Variants in CNTLN observed in about 807,000 individuals in gnomAD.
The protein encoded by CNTLN is centlein, also known as centlein, centrosomal protein.
A neutral mutation model predicts 180.0 loss-of-function variants in CNTLN; 212 were observed. The observed-to-expected ratio is 1.18, with a 90% CI of 1.05 to 1.32. The LOEUF (loss-of-function observed/expected upper bound fraction) is 1.32, where lower values mean the gene tolerates loss of function less well. CNTLN is among the 40% of genes most tolerant of loss of function. The probability of loss-of-function intolerance (pLI) is 0.00; values close to 1 mark genes in which losing one functional copy is unlikely to be tolerated. For missense variants in CNTLN, 2,095 were observed against 1,610.9 expected, an observed-to-expected ratio of 1.30 and a Z score of -5.14; for synonymous variants, 722 against 563.1, an observed-to-expected ratio of 1.28 and a Z score of -3.99.
chr9:17,527,503 T>TG, the CNTLN span, among the ~76,000 whole-genome samples: 1 of 152,194 alleles, frequency 6.6e-6, no homozygotes, highest in Non-Finnish European at 1.5e-5. Flanking sequence ...GCATGTATAC[T>TG]GGGACGGAAG....
intron 5 of CNTLN, among the ~76,000 whole-genome samples, chr9:17,246,689 G>T (rs1040232132): frequency 6.6e-6 from 1 of 152,136 alleles, no homozygotes; most frequent in Non-Finnish European, 1.5e-5. Context: ...AGGGCCTGGA[G>T]TCGGGAAAAG....
chr9:17,498,716 A>G (rs530055297), intron 25 of CNTLN, among the ~76,000 whole-genome samples: 3 of 152,258 alleles, frequency 2.0e-5, no homozygotes, highest in East Asian at 1.9e-4. Flanking sequence ...TCTTTATCCA[A>G]GAGAGAAAAA....
At chr9:17,296,557 A>G (rs1457358180) in intron 6 of CNTLN, among the ~76,000 whole-genome samples, 1 of 151,986 alleles carries the variant, frequency 6.6e-6, no homozygotes, top group East Asian at 1.9e-4. Flanking sequence ...CTTAACTGTG[A>G]TGGAATTTTC....
At chr9:17,139,991 G>T (rs1246477711) in intron 1 of CNTLN, among the ~76,000 whole-genome samples, 1 of 152,106 alleles carries the variant, frequency 6.6e-6, no homozygotes, top group East Asian at 1.9e-4. Context: ...TACCGCACCT[G>T]GCCAAGGTTT....
rs565725217 is a variant in CNTLN at position 17,298,068 on chromosome 9, G to A, written c.984-122G>A. The A allele has an allele frequency of 3.2e-5, 20 of 634,660 alleles. No individual in the cohort carries two copies. In the African/African-American group the frequency reaches 3.4e-4, roughly 11 times the overall value. 39.3% of individuals were successfully genotyped at this position (634,660 alleles called of 1,614,324 possible). A position where few individuals can be genotyped will look rare whatever the true frequency, so the allele number is the denominator to read the frequency against. On this transcript the variant is annotated intron_variant, in intron 6 of 25. Transcript: ENST00000380647. ...CATTATTTCTTTTATTAATAAGTTT[G>A]CCTGCAGTACAAATAACAGATGCAA...
At chr9:17,424,713 A>G (rs938270453) in intron 18 of CNTLN, among the ~76,000 whole-genome samples, 5 of 152,232 alleles carry the variant, frequency 3.3e-5, no homozygotes, top group Non-Finnish European at 5.9e-5. Flanking sequence ...TTAGGATTAC[A>G]TAAGGTCATC....
At position 17,298,289 on chromosome 9, in the gene CNTLN, C is replaced by T. The variant is rs1818092652; in HGVS notation, c.1083C>T (p.Asp361=). The T allele has an allele frequency of 1.2e-6, 2 of 1,613,468 alleles. No individual in the cohort carries two copies. Among genetic ancestry groups the T allele is most frequent in the Admixed American group, 1.7e-5 (1 of 59,884 alleles). ...LIQQLQVLNM[D]TQKVLRNQED... Reference sequence around the variant, plus strand: ...AGCAGCTTCAGGTTCTCAATATGGACACACAAAAAGTACTGAGAAATCAGG... The same window carrying T: ...AGCAGCTTCAGGTTCTCAATATGGATACACAAAAAGTACTGAGAAATCAGG... Residue 361 remains aspartate, a synonymous_variant, in exon 7 of 26, where the codon GAC becomes GAT. Coordinates refer to ENST00000380647, the MANE Select transcript of CNTLN (RefSeq NM_017738.4).
At chr9:17,326,250 T>C (rs1265483562) in intron 8 of CNTLN, among the ~76,000 whole-genome samples, 1 of 152,062 alleles carries the variant, frequency 6.6e-6, no homozygotes, top group Non-Finnish European at 1.5e-5. Flanking sequence ...CACTATACCA[T>C]TGTATTTCAA....
the CNTLN span, among the ~76,000 whole-genome samples, chr9:17,523,491 C>A: frequency 6.6e-6 from 1 of 152,130 alleles, no homozygotes; most frequent in South Asian, 2.1e-4. Flanking sequence ...CCTGCCTCAG[C>A]CTCCCAAAGT....
chr9:17,392,101 C>T (rs1345519558), intron 14 of CNTLN, among the ~76,000 whole-genome samples: 1 of 152,022 alleles, frequency 6.6e-6, no homozygotes, highest in Non-Finnish European at 1.5e-5. Context: ...GACCCCATCT[C>T]TACAAAATAT....
chr9:17,438,940 C>A (rs988083906), intron 18 of CNTLN, among the ~76,000 whole-genome samples: 1 of 152,082 alleles, frequency 6.6e-6, no homozygotes, highest in African/African-American at 2.4e-5. Context: ...AAAAGAGAAT[C>A]TTAGAAGCCA....
At chr9:17,234,102 C>G (rs1318214791) in intron 3 of CNTLN, among the ~76,000 whole-genome samples, 4 of 151,934 alleles carry the variant, frequency 2.6e-5, no homozygotes, top group African/African-American at 7.3e-5. Context: ...TATTCAGCGT[C>G]TAAATTATTT....
intron 6 of CNTLN, among the ~76,000 whole-genome samples, chr9:17,283,079 T>A (rs2132603124): frequency 1.3e-5 from 2 of 152,320 alleles, no homozygotes; most frequent in Middle Eastern, 6.8e-3. Flanking sequence ...GGGCTCTTTT[T>A]TGGTTCCATA....
chr9:17,267,076 T>C (rs1169931521), intron 5 of CNTLN, among the ~76,000 whole-genome samples: 2 of 152,150 alleles, frequency 1.3e-5, no homozygotes, highest in African/African-American at 4.8e-5. Flanking sequence ...TTTGGGCCTG[T>C]CATTATGATG....
At chr9:17,490,977 A>G (rs1184695857) in intron 25 of CNTLN, among the ~76,000 whole-genome samples, 1 of 151,976 alleles carries the variant, frequency 6.6e-6, no homozygotes, top group Non-Finnish European at 1.5e-5. Flanking sequence ...ACATAAGGAG[A>G]TGTACTACCT....
intron 13 of CNTLN, among the ~76,000 whole-genome samples, chr9:17,376,893 G>C (rs377659290): frequency 2.3e-4 from 35 of 152,130 alleles, no homozygotes; most frequent in East Asian, 1.9e-3. Flanking sequence ...CAGAAGTAAA[G>C]GTAAATGAAC....
intron 15 of CNTLN, among the ~76,000 whole-genome samples, chr9:17,396,874 A>C (rs1224836752): frequency 6.6e-6 from 1 of 152,226 alleles, no homozygotes; most frequent in Non-Finnish European, 1.5e-5. Context: ...ATATTCATGA[A>C]GGAAAGGCCA....
chr9:17,248,922 C>T (rs527835741), intron 5 of CNTLN, among the ~76,000 whole-genome samples: 16 of 152,038 alleles, frequency 1.1e-4, no homozygotes, highest in African/African-American at 3.9e-4. Context: ...ATAGTGTTCT[C>T]ATGTCATTTT....
intron 13 of CNTLN, among the ~76,000 whole-genome samples, chr9:17,371,630 C>G (rs890941599): frequency 2.6e-5 from 4 of 152,114 alleles, no homozygotes; most frequent in African/African-American, 9.6e-5. Context: ...CTAATATTTA[C>G]AGAACATTTC....
Sources: gnomAD v4.1 joint callset for allele counts (sites outside exome capture counted in the v4.1 genomes callset) on GRCh38, gnomAD v4.1.1 for gene constraint, MANE v1.5 for transcripts, NCBI Gene and HGNC (gene_info 2026-07-23, HGNC 2026-07-21) for gene names.